ALKBH8: variants seen among roughly 807,000 people sequenced by gnomAD.
ALKBH8 encodes the protein alkB homolog 8, tRNA methyltransferase, also known as tRNA (carboxymethyluridine(34)-5-O)-methyltransferase ALKBH8.
In ALKBH8, 36 loss-of-function variants were observed where a neutral mutation model predicts 59.8. The ratio of observed to expected loss-of-function variants is 0.60; its 90% CI spans 0.46 to 0.79. The LOEUF (loss-of-function observed/expected upper bound fraction) is 0.79, where lower values mean the gene tolerates loss of function less well. ALKBH8 is among the 30% of genes least tolerant of loss of function. ALKBH8 has a pLI of 0.00. For synonymous variants in ALKBH8, 276 were observed against 273.6 expected, an observed-to-expected ratio of 1.01 and a Z score of -0.09; for missense variants, 768 against 801.0, an observed-to-expected ratio of 0.96 and a Z score of 0.50.
chr11:107,558,896 C>A (rs913373686), intron 2 of ALKBH8, among the ~76,000 whole-genome samples: 2 of 152,080 alleles, frequency 1.3e-5, no homozygotes, highest in East Asian at 1.9e-4. Context: ...TAAATTTGTA[C>A]AAAGGAGCCT....
chr11:107,516,063 T>C (rs1862851254), intron 10 of ALKBH8, among the ~76,000 whole-genome samples: 1 of 152,222 alleles, frequency 6.6e-6, no homozygotes, highest in South Asian at 2.1e-4. Flanking sequence ...AGCAGATTCT[T>C]TGTAGCACTG....
At chr11:107,534,861 G>A (rs200150516) in intron 7 of ALKBH8, among the ~76,000 whole-genome samples, 81 of 151,390 alleles carry the variant, frequency 5.4e-4, no homozygotes, top group African/African-American at 1.7e-3. Context: ...CCCATCACCC[G>A]AGCAGTGTAC....
intron 7 of ALKBH8, among the ~76,000 whole-genome samples, chr11:107,535,570 T>C (rs1863780749): frequency 6.6e-6 from 1 of 152,220 alleles, no homozygotes; most frequent in South Asian, 2.1e-4. Context: ...AAGAATTGTC[T>C]ATTCATGTCC....
intron 7 of ALKBH8, among the ~76,000 whole-genome samples, chr11:107,539,372 G>A: frequency 6.6e-6 from 1 of 152,128 alleles, no homozygotes; most frequent in East Asian, 1.9e-4. Flanking sequence ...GGCCAAGGTG[G>A]GCAGATTACT....
intron 1 of ALKBH8, chr11:107,565,091 G>C (rs1016441593): frequency 1.9e-5 from 3 of 161,126 alleles, no homozygotes; most frequent in Non-Finnish European, 4.1e-5. Context: ...TAAGGGCACA[G>C]ACTTGGTGCC....
At chr11:107,546,044 A>G (rs1864238170) in intron 7 of ALKBH8, among the ~76,000 whole-genome samples, 1 of 152,238 alleles carries the variant, frequency 6.6e-6, no homozygotes, top group Admixed American at 6.5e-5. Flanking sequence ...AACAAAGTTC[A>G]CGTGACTCAT....
intron 7 of ALKBH8, among the ~76,000 whole-genome samples, chr11:107,537,365 T>G (rs1863861585): frequency 6.6e-6 from 1 of 152,228 alleles, no homozygotes; most frequent in Non-Finnish European, 1.5e-5. Context: ...CATGGAATAC[T>G]ATGCAGCCAT....
At chr11:107,545,451 GGAGTCAGGCAGGACTCAACAGGTATTTGC>G in intron 7 of ALKBH8, among the ~76,000 whole-genome samples, 1 of 152,128 alleles carries the variant, frequency 6.6e-6, no homozygotes, top group South Asian at 2.1e-4. Flanking sequence ...ACTCAACATA[GGAGTCAGGCAGGACTCAACAGGTATTTGC>G]TGAAAGCATG....
intron 1 of ALKBH8, among the ~76,000 whole-genome samples, chr11:107,564,457 C>T (rs988213936): frequency 1.3e-5 from 2 of 152,024 alleles, no homozygotes; most frequent in African/African-American, 4.8e-5. Flanking sequence ...AAACGAGGCC[C>T]AATTTTAACG....
chr11:107,506,588 C>A (rs956683524), intron 11 of ALKBH8, among the ~76,000 whole-genome samples: 2 of 151,974 alleles, frequency 1.3e-5, no homozygotes, highest in African/African-American at 4.8e-5. Flanking sequence ...GATACATTTA[C>A]AAAGATAAGT....
At chr11:107,554,816 C>T (rs1228070179) in intron 3 of ALKBH8, among the ~76,000 whole-genome samples, 1 of 152,162 alleles carries the variant, frequency 6.6e-6, no homozygotes, top group Non-Finnish European at 1.5e-5. Context: ...GTAAGGAAAA[C>T]TTTGCAAAGA....
intron 11 of ALKBH8, among the ~76,000 whole-genome samples, chr11:107,510,131 T>G (rs2135471190): frequency 6.6e-6 from 1 of 152,264 alleles, no homozygotes; most frequent in Admixed American, 6.5e-5. Flanking sequence ...GTAAAAAGAC[T>G]AAAGACGCAG....
At chr11:107,557,570 T>C (rs1864769891) in intron 2 of ALKBH8, among the ~76,000 whole-genome samples, 3 of 152,206 alleles carry the variant, frequency 2.0e-5, no homozygotes. Flanking sequence ...ATACAATGTT[T>C]ACTAAAAATT....
Position 107,502,856 on chromosome 11 carries a change from A to G in ALKBH8, c.*1802T>C, listed in dbSNP as rs933916100. 5 of 152,242 alleles carry G rather than the reference A, an allele frequency of 3.3e-5. No individual in the cohort carries two copies. Among genetic ancestry groups the G allele is most frequent in the Non-Finnish European group, 7.4e-5 (5 of 68,026 alleles). 9.4% of individuals were successfully genotyped at this position (152,242 alleles called of 1,614,324 possible). ...CCATACTATATTCTTACACTATCCT[A>G]TGATGTATACAAATATACTTTCAGT... On this transcript the variant is annotated 3_prime_UTR_variant, in exon 12 of 12. Transcript: ENST00000428149.
intron 10 of ALKBH8, among the ~76,000 whole-genome samples, chr11:107,512,652 T>G (rs1862685653): frequency 6.6e-6 from 1 of 152,128 alleles, no homozygotes; most frequent in Non-Finnish European, 1.5e-5. Flanking sequence ...CCCTGGATAA[T>G]TTTTTCTTAG....
chr11:107,542,439 G>A lies in ALKBH8; in HGVS notation c.771+7314C>T, dbSNP rs528062829. 2.6e-5 allele frequency among the ~76,000 whole-genome samples: 4 copies of A among 152,296 alleles called. No homozygotes were observed. The South Asian group carries it at 8.3e-4, about 32-fold the overall frequency. Reference sequence around the variant, plus strand: ...AGTGCATGAGGAAGCTTGTGGGAATGATGGATATGTTCATTATCTTGAGTG... The same window carrying A: ...AGTGCATGAGGAAGCTTGTGGGAATAATGGATATGTTCATTATCTTGAGTG... On this transcript the variant is annotated intron_variant, in intron 7 of 11. Coordinates refer to ENST00000428149, the MANE Select transcript of ALKBH8 (RefSeq NM_138775.3).
intron 7 of ALKBH8, among the ~76,000 whole-genome samples, chr11:107,543,186 AATC>A (rs1239981928): frequency 6.6e-6 from 1 of 152,068 alleles, no homozygotes; most frequent in Non-Finnish European, 1.5e-5. Context: ...AAAATACAAA[AATC>A]AGCCACGCGT....
intron 7 of ALKBH8, among the ~76,000 whole-genome samples, chr11:107,539,865 G>A (rs1863967483): frequency 6.6e-6 from 1 of 152,178 alleles, no homozygotes; most frequent in Non-Finnish European, 1.5e-5. Context: ...CCATTTGAAA[G>A]TGACTAAAAG....
chr11:107,504,396 C>T lies in ALKBH8; in HGVS notation c.*262G>A. On this transcript the variant is annotated 3_prime_UTR_variant, in exon 12 of 12. Coordinates refer to ENST00000428149, the MANE Select transcript of ALKBH8 (RefSeq NM_138775.3). ...ATCCTGGGCTCTTACCCAAGAATTACAAACACTGCACAAACTGCTTCAATC... is the reference window on the plus strand; with the variant it reads ...ATCCTGGGCTCTTACCCAAGAATTATAAACACTGCACAAACTGCTTCAATC... 1.7e-6 allele frequency: 1 copy of T among 596,908 alleles called. No individual in the cohort carries two copies. The highest frequency in any genetic ancestry group is 2.8e-5 in the East Asian group (1 of 35,432). 37.0% of individuals were successfully genotyped at this position (596,908 alleles called of 1,614,324 possible).
Sources: allele counts gnomAD v4.1 joint callset (sites outside exome capture counted in the v4.1 genomes callset), GRCh38; gene constraint gnomAD v4.1.1; transcripts MANE v1.5; gene names NCBI Gene and HGNC (gene_info 2026-07-23, HGNC 2026-07-21).